Variants in RAP1GDS1 observed in about 807,000 individuals in gnomAD.
RAP1GDS1 encodes RAP1, GTP-GDP dissociation stimulator 1.
Under a neutral mutation model 71.1 loss-of-function variants are expected in RAP1GDS1, and 35 were observed. The observed-to-expected ratio is 0.49, with a 90% CI of 0.38 to 0.65. The LOEUF is 0.65. RAP1GDS1 is among the 30% of genes least tolerant of loss of function. The probability of loss-of-function intolerance (pLI) is 0.00; values close to 1 mark genes in which losing one functional copy is unlikely to be tolerated. For missense variants in RAP1GDS1, 663 were observed against 706.1 expected, an observed-to-expected ratio of 0.94 and a Z score of 0.69; for synonymous variants, 229 against 243.1, an observed-to-expected ratio of 0.94 and a Z score of 0.54.
At chr4:98,430,640 A>G (rs1395446914) in intron 12 of RAP1GDS1, among the ~76,000 whole-genome samples, 6 of 152,226 alleles carry the variant, frequency 3.9e-5, no homozygotes, top group East Asian at 1.9e-4. Flanking sequence ...CTGATTGCCA[A>G]ACTGTTTGAC....
At chr4:98,440,021 A>G (rs1443817236) in intron 14 of RAP1GDS1, among the ~76,000 whole-genome samples, 3 of 152,206 alleles carry the variant, frequency 2.0e-5, no homozygotes, top group Non-Finnish European at 2.9e-5. Flanking sequence ...GCCTCTGGCA[A>G]TCACCATTTA....
intron 13 of RAP1GDS1, among the ~76,000 whole-genome samples, chr4:98,434,857 G>T (rs1750933037): frequency 6.6e-6 from 1 of 152,100 alleles, no homozygotes; most frequent in Non-Finnish European, 1.5e-5. Flanking sequence ...CTGACCTCAA[G>T]TGATCCACCC....
At chr4:98,378,946 T>G in intron 4 of RAP1GDS1, 71 bp from the exon 5 acceptor site, 1 of 1,326,270 alleles carries the variant, frequency 7.5e-7, no homozygotes, top group Non-Finnish European at 1.0e-6. Flanking sequence ...AACACTGTTA[T>G]GTTTTGTATT....
chr4:98,426,230 A>G (rs1749591702), intron 12 of RAP1GDS1, among the ~76,000 whole-genome samples: 1 of 152,168 alleles, frequency 6.6e-6, no homozygotes, highest in African/African-American at 2.4e-5. Flanking sequence ...AGGCGTTGCT[A>G]AGAGGAAAGT....
intron 1 of RAP1GDS1, among the ~76,000 whole-genome samples, chr4:98,282,006 T>G (rs1221595522): frequency 6.6e-6 from 1 of 152,158 alleles, no homozygotes; most frequent in Admixed American, 6.5e-5. Flanking sequence ...CTGGATTCGG[T>G]TTGCCAGTAT....
intron 2 of RAP1GDS1, among the ~76,000 whole-genome samples, chr4:98,298,314 T>G (rs1728077204): frequency 1.3e-5 from 2 of 152,274 alleles, no homozygotes; most frequent in East Asian, 3.9e-4. Flanking sequence ...ACAACAGATT[T>G]TCAGTATAGA....
Position 98,418,940 on chromosome 4 carries a change from T to G in RAP1GDS1, c.1174+149T>G, listed in dbSNP as rs535677880. The G allele has an allele frequency of 2.8e-5, 23 of 822,896 alleles. No homozygotes were observed. The South Asian group carries it at 7.8e-4, about 28-fold the overall frequency. 51.0% of individuals were successfully genotyped at this position (822,896 alleles called of 1,614,324 possible). ...CATTGTTCACATTTTTTCATGCTAATAAATGGAGATCATATGTTAAATAAG... is the reference window on the plus strand; with the variant it reads ...CATTGTTCACATTTTTTCATGCTAAGAAATGGAGATCATATGTTAAATAAG... On this transcript the variant is annotated intron_variant, in intron 10 of 14. Coordinates refer to ENST00000408927, the MANE Select transcript of RAP1GDS1 (RefSeq NM_001100427.2).
At chr4:98,405,494 G>C (rs576204768) in intron 7 of RAP1GDS1, among the ~76,000 whole-genome samples, 1 of 152,056 alleles carries the variant, frequency 6.6e-6, no homozygotes, top group Non-Finnish European at 1.5e-5. Flanking sequence ...ATTCTCATAT[G>C]CATTTTTTGG....
intron 12 of RAP1GDS1, among the ~76,000 whole-genome samples, chr4:98,427,902 A>G (rs1208146526): frequency 1.3e-5 from 2 of 152,186 alleles, no homozygotes; most frequent in African/African-American, 4.8e-5. Flanking sequence ...CTGCATAGCC[A>G]AGGCAAGACT....
intron 2 of RAP1GDS1, among the ~76,000 whole-genome samples, chr4:98,340,627 T>C (rs1449182941): frequency 6.6e-6 from 1 of 152,056 alleles, no homozygotes; most frequent in African/African-American, 2.4e-5. Context: ...TGCACACCTG[T>C]AATCTCAGCT....
intron 2 of RAP1GDS1, among the ~76,000 whole-genome samples, chr4:98,308,453 G>C (rs1481441282): frequency 6.7e-6 from 1 of 150,322 alleles, no homozygotes; most frequent in African/African-American, 2.4e-5. Context: ...CTACGTGACA[G>C]AACAAGACCC....
At chr4:98,278,198 C>CA (rs1208469145) in intron 1 of RAP1GDS1, among the ~76,000 whole-genome samples, 4 of 151,730 alleles carry the variant, frequency 2.6e-5, no homozygotes, top group Non-Finnish European at 4.4e-5. Context: ...GGCTCCATCT[C>CA]AAAAAAATAA....
chr4:98,279,345 A>G (rs1429648334), intron 1 of RAP1GDS1, among the ~76,000 whole-genome samples: 4 of 152,004 alleles, frequency 2.6e-5, no homozygotes, highest in Non-Finnish European at 2.9e-5. Flanking sequence ...AAATAACTAT[A>G]TGCAAAAGAA....
At chr4:98,393,152 C>T (rs572482646) in intron 6 of RAP1GDS1, among the ~76,000 whole-genome samples, 4 of 152,260 alleles carry the variant, frequency 2.6e-5, no homozygotes, top group South Asian at 2.1e-4. Flanking sequence ...AATTCTGTTA[C>T]GTACCACATT....
chr4:98,437,129 T>C, intron 14 of RAP1GDS1, 61 bp downstream of exon 14: 1 of 1,406,570 alleles, frequency 7.1e-7, no homozygotes, highest in South Asian at 1.8e-5. Context: ...ATATTAAATA[T>C]AGAGTAATAG....
chr4:98,265,174 G>T (rs377145214), intron 1 of RAP1GDS1, among the ~76,000 whole-genome samples: 1 of 152,164 alleles, frequency 6.6e-6, no homozygotes, highest in East Asian at 1.9e-4. Context: ...ATGTTTAATG[G>T]CTTGAACCAG....
At chr4:98,384,783 A>T (rs910612780) in intron 5 of RAP1GDS1, among the ~76,000 whole-genome samples, 1 of 151,698 alleles carries the variant, frequency 6.6e-6, no homozygotes, top group Non-Finnish European at 1.5e-5. Context: ...AAATAAAATT[A>T]TTATAGTCTT....
intron 1 of RAP1GDS1, among the ~76,000 whole-genome samples, chr4:98,272,789 A>C (rs1421266770): frequency 6.6e-6 from 1 of 151,998 alleles, no homozygotes; most frequent in Non-Finnish European, 1.5e-5. Flanking sequence ...TATAAAATCC[A>C]CTTTTCAGTT....
chr4:98,374,943 A>G (rs1209580149), intron 4 of RAP1GDS1, among the ~76,000 whole-genome samples: 2 of 152,162 alleles, frequency 1.3e-5, no homozygotes, highest in African/African-American at 4.8e-5. Context: ...TTTCTAAACA[A>G]TACTCACACA....
Sources: gnomAD v4.1 joint callset for allele counts (sites outside exome capture counted in the v4.1 genomes callset) on GRCh38, gnomAD v4.1.1 for gene constraint, MANE v1.5 for transcripts, NCBI Gene and HGNC (gene_info 2026-07-23, HGNC 2026-07-21) for gene names.